Variants in ZNRF3 observed in about 807,000 individuals in gnomAD.
ZNRF3 encodes E3 ubiquitin-protein ligase ZNRF3.
ZNRF3 carries 23 observed loss-of-function variants against 72.5 expected under a neutral mutation model. That is an observed-to-expected ratio of 0.32 (90% confidence interval 0.23 to 0.45). The LOEUF is 0.45. Ranked by LOEUF, ZNRF3 falls within the 20% of genes least tolerant of loss-of-function variation. The pLI is 1.00. For missense variants in ZNRF3, 1,169 were observed against 1,272.1 expected (o/e 0.92, Z 1.23); for synonymous variants, 610 against 545.3 (o/e 1.12, Z -1.65).
chr22:28,901,397 C>T (rs561194437), intron 1 of ZNRF3, among the ~76,000 whole-genome samples: 1 of 152,308 alleles, frequency 6.6e-6, no homozygotes, highest in South Asian at 2.1e-4. Flanking sequence ...TAATGCTTCT[C>T]CTTCAGCAAT....
chr22:28,971,156 C>G (rs1345198887), intron 1 of ZNRF3, among the ~76,000 whole-genome samples: 1 of 151,926 alleles, frequency 6.6e-6, no homozygotes, highest in South Asian at 2.1e-4. Context: ...GCCACTGTAC[C>G]CCAGCCTGGA....
intron 2 of ZNRF3, among the ~76,000 whole-genome samples, chr22:29,035,872 G>A (rs989482857): frequency 2.6e-5 from 4 of 152,032 alleles, no homozygotes; most frequent in South Asian, 2.1e-4. Context: ...GAGCCACTGC[G>A]CCCGGCCTTA....
intron 1 of ZNRF3, among the ~76,000 whole-genome samples, chr22:28,900,409 A>G (rs1414639371): frequency 6.6e-6 from 1 of 152,232 alleles, no homozygotes; most frequent in Non-Finnish European, 1.5e-5. Context: ...CCTCTTTGCA[A>G]ATGGTGCCTT....
intron 1 of ZNRF3, among the ~76,000 whole-genome samples, chr22:28,906,437 G>C (rs967145140): frequency 1.3e-5 from 2 of 152,194 alleles, no homozygotes; most frequent in African/African-American, 4.8e-5. Flanking sequence ...GTACATCCCT[G>C]AGACCAGATA....
At chr22:29,018,765 G>T (rs186565479) in intron 2 of ZNRF3, 1 of 152,356 alleles carries the variant, frequency 6.6e-6, no homozygotes, top group East Asian at 1.9e-4. Flanking sequence ...CAATAGTACA[G>T]ATGACAACAC....
chr22:28,924,968 CTG>C (rs1228207040), intron 1 of ZNRF3, among the ~76,000 whole-genome samples: 1 of 152,154 alleles, frequency 6.6e-6, no homozygotes, highest in Admixed American at 6.5e-5. Flanking sequence ...CTCCCAGTCT[CTG>C]TAAAAATCAT....
intron 2 of ZNRF3, among the ~76,000 whole-genome samples, chr22:29,027,518 G>A (rs925507879): frequency 3.9e-5 from 6 of 152,036 alleles, no homozygotes; most frequent in African/African-American, 1.5e-4. Flanking sequence ...TGAAGTGCTG[G>A]GATTACAGGC....
intron 3 of ZNRF3, 29 bp downstream of exon 3, chr22:29,042,598 C>T (rs767726488): frequency 2.1e-5 from 34 of 1,603,744 alleles, no homozygotes; most frequent in Non-Finnish European, 2.7e-5. Context: ...GCCAACACTG[C>T]AGCCTCCCTG....
intron 1 of ZNRF3, among the ~76,000 whole-genome samples, chr22:28,964,393 T>A (rs780050590): frequency 1.6e-4 from 24 of 152,106 alleles, no homozygotes; most frequent in Non-Finnish European, 3.1e-4. Context: ...GAAGTCAGAT[T>A]AGGGGATCAA....
chr22:28,953,296 A>G (rs1569258985), intron 1 of ZNRF3, among the ~76,000 whole-genome samples: 1 of 152,212 alleles, frequency 6.6e-6, no homozygotes. Flanking sequence ...TTTAAACCAG[A>G]TCATTCATCT....
intron 2 of ZNRF3, among the ~76,000 whole-genome samples, chr22:29,036,882 GAAA>G (rs776676551): frequency 1.3e-5 from 2 of 151,992 alleles, no homozygotes; most frequent in African/African-American, 2.4e-5. Context: ...TTATGATAAA[GAAA>G]AAAAGCCAGA....
intron 1 of ZNRF3, 27 bp downstream of exon 1, chr22:28,884,093 G>T (rs1601521126): frequency 1.7e-6 from 2 of 1,151,412 alleles, no homozygotes; most frequent in East Asian, 6.1e-5. Context: ...CGGGCCCCGC[G>T]CCGCCTCCGC....
intron 2 of ZNRF3, among the ~76,000 whole-genome samples, chr22:29,039,193 T>A (rs577123592): frequency 6.6e-6 from 1 of 152,232 alleles, no homozygotes; most frequent in South Asian, 2.1e-4. Context: ...AACCTCTGAG[T>A]CCTTGAGACC....
intron 1 of ZNRF3, among the ~76,000 whole-genome samples, chr22:28,884,579 T>G (rs1260861253): frequency 6.6e-6 from 1 of 152,192 alleles, no homozygotes; most frequent in East Asian, 1.9e-4. Flanking sequence ...CGGTGACCCT[T>G]CTGCGGGGCT....
chr22:29,032,096 CTG>C (rs2036771738), intron 2 of ZNRF3, among the ~76,000 whole-genome samples: 1 of 152,200 alleles, frequency 6.6e-6, no homozygotes, highest in Admixed American at 6.5e-5. Context: ...GGTTGGGCCG[CTG>C]TATGGTGTGG....
At chr22:29,011,888 T>G (rs1402248429) in intron 2 of ZNRF3, among the ~76,000 whole-genome samples, 1 of 152,226 alleles carries the variant, frequency 6.6e-6, no homozygotes, top group African/African-American at 2.4e-5. Context: ...GGCCACCATG[T>G]CTCTGCTTGT....
intron 1 of ZNRF3, among the ~76,000 whole-genome samples, chr22:28,958,403 G>A (rs1054012258): frequency 6.6e-6 from 1 of 152,090 alleles, no homozygotes; most frequent in African/African-American, 2.4e-5. Context: ...TCCTTTAGGG[G>A]AGGGAAAGGT....
intron 1 of ZNRF3, among the ~76,000 whole-genome samples, chr22:28,944,118 G>A (rs1183045376): frequency 1.3e-5 from 2 of 151,908 alleles, no homozygotes; most frequent in African/African-American, 4.8e-5. Flanking sequence ...CAAGAAAATA[G>A]ATATTTACAC....
At chr22:28,893,134 T>A (rs180941173) in intron 1 of ZNRF3, among the ~76,000 whole-genome samples, 1 of 152,072 alleles carries the variant, frequency 6.6e-6, no homozygotes, top group East Asian at 1.9e-4. Flanking sequence ...ACCACTGCAC[T>A]CCAGCCTGAG....
Sources: allele counts gnomAD v4.1 joint callset (sites outside exome capture counted in the v4.1 genomes callset), GRCh38; gene constraint gnomAD v4.1.1; transcripts MANE v1.5; gene names NCBI Gene and HGNC (gene_info 2026-07-23, HGNC 2026-07-21).